Variants in FLYWCH1 observed in about 807,000 individuals in gnomAD.
The protein encoded by FLYWCH1 is FLYWCH-type zinc finger-containing protein 1.
FLYWCH1 carries 75 observed loss-of-function variants against 66.4 expected under a neutral mutation model. The ratio of observed to expected loss-of-function variants is 1.13; its 90% CI spans 0.94 to 1.37. FLYWCH1 has a LOEUF of 1.37. Ranked by LOEUF, FLYWCH1 falls within the 40% of genes most tolerant of loss-of-function variation. FLYWCH1 has a pLI of 0.00. For synonymous variants in FLYWCH1, 595 were observed against 429.9 expected (o/e 1.38, Z -4.75); for missense variants, 1,334 against 1,001.8 (o/e 1.33, Z -4.48).
Position 2,933,256 on chromosome 16 carries a change from C to T in FLYWCH1, c.923C>T (p.Ala308Val), listed in dbSNP as rs374956718. 1.7e-5 allele frequency: 28 copies of T among 1,613,228 alleles called. No individual in the cohort carries two copies. Among genetic ancestry groups the T allele is most frequent in the Middle Eastern group, 3.3e-4 (2 of 6,084 alleles). The change falls in exon 5 of 10, where the codon GCG becomes GTG. Residue 308 changes from alanine (A) to valine (V), a missense_variant. Coordinates refer to ENST00000253928, the MANE Select transcript of FLYWCH1 (RefSeq NM_001308068.2). ...DKVYWTCRDH[A>V]LHGCRSRAIT... ...GTGTATTGGACCTGCCGGGACCACGCGCTGCACGGCTGCCGGAGCCGGGCC... is the reference window on the plus strand; with the variant it reads ...GTGTATTGGACCTGCCGGGACCACGTGCTGCACGGCTGCCGGAGCCGGGCC...
At chr16:2,932,817 G>A (rs117429254) in intron 4 of FLYWCH1, among the ~76,000 whole-genome samples, 7,209 of 152,046 alleles carry the variant, frequency 0.047, 243 homozygotes, top group Middle Eastern at 0.11. Context: ...CATTGAGCAG[G>A]CCTGAGCTGG....
In FLYWCH1 at chr16:2,911,970, G is replaced by C. The variant is rs992189997; in HGVS notation, c.-372G>C. 8.0e-6 allele frequency: 1 copy of C among 125,454 alleles called. No individual in the cohort carries two copies. The highest frequency in any genetic ancestry group is 2.6e-5 in the African/African-American group (1 of 38,696). The allele number at this position is 125,454 out of a possible 1,614,324, so 7.8% of individuals were successfully genotyped here. ...GAGCGTTCCGCAAGGCCGGCTCCCC[G>C]GCGGGGTCGCGCGCGCGGTCACGGG... On this transcript the variant is annotated 5_prime_UTR_variant, in exon 1 of 10. Transcript: ENST00000253928.
chr16:2,936,828 G>T, intron 6 of FLYWCH1: 1 of 601,572 alleles, frequency 1.7e-6, no homozygotes, highest in Non-Finnish European at 3.1e-6. Flanking sequence ...GCGGGTGCTG[G>T]GGACGGACGA....
chr16:2,928,184 C>T (rs550260267), intron 2 of FLYWCH1, among the ~76,000 whole-genome samples: 33 of 152,334 alleles, frequency 2.2e-4, no homozygotes, highest in African/African-American at 6.7e-4. Context: ...CAGAATAGAA[C>T]GAATGGTCGG....
chr16:2,942,472 T>TCAC (rs1476254437), intron 9 of FLYWCH1, among the ~76,000 whole-genome samples: 6 of 152,048 alleles, frequency 3.9e-5, no homozygotes. Context: ...AAGACCAGTA[T>TCAC]CACCCTGATA....
In FLYWCH1 at chr16:2,933,547, C is replaced by A; in HGVS notation, c.1214C>A (p.Ala405Asp). Residue 405 changes from alanine to aspartate, a missense_variant, in exon 5 of 10, where the codon GCC becomes GAC. By Grantham distance (126) the Ala-to-Asp change is moderately radical. Coordinates refer to ENST00000253928, the MANE Select transcript of FLYWCH1 (RefSeq NM_001308068.2). Reference sequence around the variant, plus strand: ...CAGGAGCTGCCAACCCAGCCCGAGGCCCCAGACGAGCACCAGGACATGGAC... The same window carrying A: ...CAGGAGCTGCCAACCCAGCCCGAGGACCCAGACGAGCACCAGGACATGGAC... ...EDQELPTQPE[A>D]PDEHQDMDAD... 2 of 1,605,788 alleles carry A rather than the reference C, an allele frequency of 1.2e-6. No homozygotes were observed. The highest frequency in any genetic ancestry group is 8.5e-7 in the Non-Finnish European group (1 of 1,175,964).
chr16:2,920,947 T>C (rs1172500008), intron 2 of FLYWCH1, among the ~76,000 whole-genome samples: 2 of 150,932 alleles, frequency 1.3e-5, no homozygotes, highest in African/African-American at 2.4e-5. Context: ...GTTCAAGCGA[T>C]TCTTCTGCCT....
intron 2 of FLYWCH1, among the ~76,000 whole-genome samples, chr16:2,925,694 C>T (rs2070541774): frequency 6.6e-6 from 1 of 151,782 alleles, no homozygotes; most frequent in Non-Finnish European, 1.5e-5. Flanking sequence ...CCCTGTGGGG[C>T]GGCATGAGTA....
In FLYWCH1 at chr16:2,933,474, C is replaced by A. The variant is rs374136262; in HGVS notation, c.1141C>A (p.Leu381Met). The A allele has an allele frequency of 2.5e-6, 4 of 1,604,856 alleles. No homozygotes were observed. The African/African-American group carries it at 4.0e-5, about 16-fold the overall frequency. Residue 381 changes from leucine (L) to methionine (M), a missense_variant, in exon 5 of 10, where the codon CTG becomes ATG. By Grantham distance (15) the Leu-to-Met change is conservative. Coordinates refer to ENST00000253928, the MANE Select transcript of FLYWCH1 (RefSeq NM_001308068.2). ...SLLYRRGPGP[L>M]TLTRPRPRKR... Reference sequence around the variant, plus strand: ...GCTCTACCGCAGGGGTCCGGGTCCCCTGACTCTCACCAGGCCTCGGCCCAG... The same window carrying A: ...GCTCTACCGCAGGGGTCCGGGTCCCATGACTCTCACCAGGCCTCGGCCCAG...
chr16:2,922,607 T>C (rs1179621775), intron 2 of FLYWCH1: 1 of 343,352 alleles, frequency 2.9e-6, no homozygotes, highest in African/African-American at 2.2e-5. Flanking sequence ...TGCAGATTTT[T>C]TTATGGTGAA....
At chr16:2,942,756 T>G (rs560347719) in intron 9 of FLYWCH1, among the ~76,000 whole-genome samples, 11 of 132,204 alleles carry the variant, frequency 8.3e-5, no homozygotes, top group African/African-American at 3.0e-4. Context: ...AGACGGAGTC[T>G]CACTCTGTCG....
chr16:2,913,580 T>C (rs1351717133), intron 1 of FLYWCH1, among the ~76,000 whole-genome samples: 1 of 152,188 alleles, frequency 6.6e-6, no homozygotes, highest in East Asian at 1.9e-4. Flanking sequence ...GGGTTGCTGC[T>C]GAACACCCCA....
At chr16:2,926,795 C>T (rs909864274) in intron 2 of FLYWCH1, among the ~76,000 whole-genome samples, 20 of 152,272 alleles carry the variant, frequency 1.3e-4, no homozygotes, top group Admixed American at 1.3e-3. Context: ...GGTAACATAT[C>T]CTGAATCATC....
chr16:2,912,283 C>G (rs1015324405), intron 1 of FLYWCH1, 129 bp downstream of exon 1: 1 of 152,346 alleles, frequency 6.6e-6, no homozygotes, highest in African/African-American at 2.4e-5. Context: ...GCGCTCAGGC[C>G]GCCTCCTGTG....
rs146943077 is a variant in FLYWCH1, at chr16:2,941,836, C to T, written c.2111+1744C>T. ...ACGGGTTCAAGACCAGCCTGACCAA[C>T]ATGGTGAAACCCCATCTCTACTAAA... is the stretch of plus-strand genomic sequence containing the variant. On this transcript the variant is annotated intron_variant, in intron 9 of 9. Coordinates refer to ENST00000253928, the MANE Select transcript of FLYWCH1 (RefSeq NM_001308068.2). Among the ~76,000 whole-genome samples the T allele has an allele frequency of 7.0e-3, 1,070 of 151,930 alleles. 10 individuals carry two copies. Among genetic ancestry groups the T allele is most frequent in the African/African-American group, 0.024 (997 of 41,446 alleles).
At chr16:2,927,323 A>G (rs1334426239) in intron 2 of FLYWCH1, among the ~76,000 whole-genome samples, 3 of 152,196 alleles carry the variant, frequency 2.0e-5, no homozygotes, top group African/African-American at 7.2e-5. Flanking sequence ...TAATTTTACA[A>G]TCGGTACCGG....
chr16:2,932,843 A>C (rs575299910), intron 4 of FLYWCH1, among the ~76,000 whole-genome samples: 4 of 151,558 alleles, frequency 2.6e-5, no homozygotes, highest in South Asian at 2.1e-4. Flanking sequence ...CCTCACTGAC[A>C]GCTAGGAGAG....
rs149623763 is a variant in FLYWCH1 at position 2,940,010 on chromosome 16, A to AT, written c.2051-18dup. 1,182 of 1,588,124 alleles carry AT rather than the reference A, an allele frequency of 7.4e-4. 10 individuals are homozygous for AT. In the African/African-American group the frequency reaches 0.014, roughly 19 times the overall value. ...AACAAGAGAAGAATTATTAATTCAT[A>AT]TTTTCAATTATTTTTCCACAGAAAA... is the stretch of plus-strand genomic sequence containing the variant. On this transcript the variant is annotated intron_variant, in intron 8 of 9. Transcript: ENST00000253928.
chr16:2,921,189 A>G (rs960453864), intron 2 of FLYWCH1, among the ~76,000 whole-genome samples: 3 of 152,154 alleles, frequency 2.0e-5, no homozygotes, highest in South Asian at 2.1e-4. Context: ...ACATAATACC[A>G]TATGATTTCT....
Sources: gnomAD v4.1 joint callset for allele counts (sites outside exome capture counted in the v4.1 genomes callset) on GRCh38, gnomAD v4.1.1 for gene constraint, MANE v1.5 for transcripts, NCBI Gene and HGNC (gene_info 2026-07-23, HGNC 2026-07-21) for gene names.